MRPS6: variants seen among roughly 807,000 people sequenced by gnomAD.
MRPS6 encodes small ribosomal subunit protein bS6m.
Under a neutral mutation model 13.1 loss-of-function variants are expected in MRPS6, and 6 were observed. That is an observed-to-expected ratio of 0.46 (90% CI 0.25 to 0.91). The LOEUF (loss-of-function observed/expected upper bound fraction) is 0.91, where lower values mean the gene tolerates loss of function less well. Among genes scored for constraint, MRPS6 ranks in the 40% least tolerant of loss-of-function variants. The pLI is 0.18. For synonymous variants in MRPS6, 61 were observed against 56.5 expected, an observed-to-expected ratio of 1.08 and a Z score of -0.36; for missense variants, 164 against 155.6, an observed-to-expected ratio of 1.05 and a Z score of -0.29.
intron 1 of MRPS6, among the ~76,000 whole-genome samples, chr21:34,092,722 A>G (rs1303374043): frequency 2.0e-5 from 3 of 152,216 alleles, no homozygotes; most frequent in Non-Finnish European, 2.9e-5. Context: ...TCTCTGAACA[A>G]ATAAGCTGCA....
In MRPS6 at chr21:34,074,160, C is replaced by CCCGCCG. The variant is rs748147718; in HGVS notation, c.45+424_45+429dup. Among the ~76,000 whole-genome samples the CCCGCCG allele has an allele frequency of 2.9e-3, 432 of 148,932 alleles. 2 individuals carry two copies. The highest frequency in any genetic ancestry group is 5.4e-3 in the Non-Finnish European group (361 of 66,770). ...GTCGTGAAGCTGCCTCGTCGCCGGC[C>CCCGCCG]CCGCCGCCGCCGCCTGGTCCGTCCC... is the stretch of plus-strand genomic sequence containing the variant. On this transcript the variant is annotated intron_variant, in intron 1 of 2. Coordinates refer to ENST00000399312, the MANE Select transcript of MRPS6 (RefSeq NM_032476.4).
At chr21:34,107,212 G>A (rs376104533) in intron 1 of MRPS6, among the ~76,000 whole-genome samples, 6 of 152,220 alleles carry the variant, frequency 3.9e-5, no homozygotes, top group African/African-American at 1.2e-4. Context: ...GATTACAGGC[G>A]TGAGCCACTG....
rs74377635 is a variant in MRPS6, at chr21:34,077,107, G to A, written c.45+3362G>A. Reference sequence around the variant, plus strand: ...GGTAGATGAGGAGAAGGGGTCATGTGTTTGGTGAGTGAGCTCTCTTGTGAG... The same window carrying A: ...GGTAGATGAGGAGAAGGGGTCATGTATTTGGTGAGTGAGCTCTCTTGTGAG... On this transcript the variant is annotated intron_variant, in intron 1 of 2. Coordinates refer to ENST00000399312, the MANE Select transcript of MRPS6 (RefSeq NM_032476.4). 7.4e-3 allele frequency among the ~76,000 whole-genome samples: 1,132 copies of A among 152,326 alleles called. 14 individuals carry two copies. Among genetic ancestry groups the A allele is most frequent in the African/African-American group, 0.026 (1,086 of 41,554 alleles).
At chr21:34,132,462 C>G (rs959666365) in intron 2 of MRPS6, among the ~76,000 whole-genome samples, 1 of 152,180 alleles carries the variant, frequency 6.6e-6, no homozygotes, top group African/African-American at 2.4e-5. Flanking sequence ...GTTGTCATGC[C>G]TGGTGGCAGG....
chr21:34,089,915 G>A (rs1023221236), intron 1 of MRPS6, among the ~76,000 whole-genome samples: 3 of 152,142 alleles, frequency 2.0e-5, no homozygotes, highest in East Asian at 1.9e-4. Flanking sequence ...AAAACATTAC[G>A]GTACAGGTTG....
At chr21:34,142,379 G>T in intron 2 of MRPS6, 29 bp from the exon 3 acceptor site, 1 of 1,544,240 alleles carries the variant, frequency 6.5e-7, no homozygotes. Context: ...TTCAAATGCA[G>T]ACACTCACAA....
At chr21:34,098,143 G>T in intron 1 of MRPS6, 1 of 999,952 alleles carries the variant, frequency 1.0e-6, no homozygotes, top group Non-Finnish European at 1.2e-6. Context: ...CATATTTATT[G>T]ATCATATTAA....
In MRPS6 at chr21:34,102,116, G is replaced by C. The variant is rs983289773; in HGVS notation, c.46-23225G>C. The C allele has an allele frequency of 4.0e-6, 4 of 999,966 alleles. No homozygotes were observed. In the African/African-American group the frequency reaches 7.0e-5, roughly 17 times the overall value. 61.9% of individuals were successfully genotyped at this position (999,966 alleles called of 1,614,324 possible). A position where few individuals can be genotyped will look rare whatever the true frequency, so the allele number is the denominator to read the frequency against. ...GCTGCAAATCTTTTTCTTCTGTCAAGGTCACTTAATATGGAATGTTTTTGT... is the reference window on the plus strand; with the variant it reads ...GCTGCAAATCTTTTTCTTCTGTCAACGTCACTTAATATGGAATGTTTTTGT... On this transcript the variant is annotated intron_variant, in intron 1 of 2. Transcript: ENST00000399312.
At chr21:34,135,414 G>T in intron 2 of MRPS6, 1 of 348,716 alleles carries the variant, frequency 2.9e-6, no homozygotes, top group South Asian at 2.3e-5. Flanking sequence ...CTGGTTTATT[G>T]GGCATCAGCT....
intron 1 of MRPS6, among the ~76,000 whole-genome samples, chr21:34,077,233 A>G (rs1472247426): frequency 6.6e-6 from 1 of 152,246 alleles, no homozygotes; most frequent in African/African-American, 2.4e-5. Context: ...CATGAATGGT[A>G]AAGCCGCATA....
chr21:34,089,028 C>T (rs1978541750), intron 1 of MRPS6, among the ~76,000 whole-genome samples: 1 of 151,998 alleles, frequency 6.6e-6, no homozygotes, highest in African/African-American at 2.4e-5. Flanking sequence ...TCTGTTATTT[C>T]ATATTTCCTT....
intron 1 of MRPS6, chr21:34,102,654 C>T (rs1262426442): frequency 4.0e-6 from 4 of 1,000,080 alleles, no homozygotes; most frequent in Non-Finnish European, 4.8e-6. Flanking sequence ...GGGTTCACAG[C>T]TTGCTTGAAG....
rs374480016 is a variant in MRPS6, at chr21:34,142,919, C to T, written c.*319C>T. The T allele has an allele frequency of 3.9e-5, 8 of 203,252 alleles. No homozygotes were observed. Among genetic ancestry groups the T allele is most frequent in the Middle Eastern group, 1.7e-3 (1 of 586 alleles). The allele number at this position is 203,252 out of a possible 1,614,324, so 12.6% of individuals were successfully genotyped here. ...TGAAGAGCAAAACTTATAATACCTC[C>T]TGGGATTGTGAGCTAGTCATTCAGC... On this transcript the variant is annotated 3_prime_UTR_variant, in exon 3 of 3. Coordinates refer to ENST00000399312, the MANE Select transcript of MRPS6 (RefSeq NM_032476.4).
chr21:34,095,168 A>G (rs1216355160), intron 1 of MRPS6: 5 of 1,409,348 alleles, frequency 3.5e-6, no homozygotes, highest in East Asian at 2.5e-5. Flanking sequence ...CACTTCTGTC[A>G]TTGGAGCGCT....
intron 1 of MRPS6, chr21:34,103,426 C>T: frequency 1.0e-6 from 1 of 997,072 alleles, no homozygotes; most frequent in African/African-American, 1.8e-5. Context: ...AATGTTGTTT[C>T]TTTTATATCC....
chr21:34,136,176 C>CT (rs1452441534), intron 2 of MRPS6: 1 of 159,486 alleles, frequency 6.3e-6, no homozygotes, highest in Non-Finnish European at 1.4e-5. Context: ...GAGACGGAGT[C>CT]TTGCTCTGCC....
At chr21:34,128,758 G>A (rs1013719224) in intron 2 of MRPS6, among the ~76,000 whole-genome samples, 2 of 152,208 alleles carry the variant, frequency 1.3e-5, no homozygotes, top group African/African-American at 4.8e-5. Flanking sequence ...AACTGGGGGA[G>A]TCATGCGTGT....
At chr21:34,121,843 A>G (rs1227772693) in intron 1 of MRPS6, among the ~76,000 whole-genome samples, 2 of 152,186 alleles carry the variant, frequency 1.3e-5, no homozygotes, top group Non-Finnish European at 2.9e-5. Flanking sequence ...GGAACATTGA[A>G]GTTGGCAACC....
chr21:34,074,018 C>T (rs1206900122), intron 1 of MRPS6, among the ~76,000 whole-genome samples: 1 of 145,198 alleles, frequency 6.9e-6, no homozygotes, highest in East Asian at 2.0e-4. Context: ...GGGCGGGGGG[C>T]GGGGCGGACC....
Sources: allele counts gnomAD v4.1 joint callset (sites outside exome capture counted in the v4.1 genomes callset), GRCh38; gene constraint gnomAD v4.1.1; transcripts MANE v1.5; gene names NCBI Gene and HGNC (gene_info 2026-07-23, HGNC 2026-07-21).